The following CDYL2 variants were observed in gnomAD, a reference collection of about 807,000 sequenced individuals.
CDYL2 encodes the protein chromodomain Y like 2.
In CDYL2, 23 loss-of-function variants were observed where a neutral mutation model predicts 49.4. The observed-to-expected ratio is 0.47, with a 90% CI of 0.34 to 0.66. The LOEUF (loss-of-function observed/expected upper bound fraction) is 0.66. Ranked by LOEUF, CDYL2 falls within the 30% of genes least tolerant of loss-of-function variation. CDYL2 has a pLI of 0.01. For synonymous variants in CDYL2, 360 were observed against 268.8 expected, an observed-to-expected ratio of 1.34 and a Z score of -3.32; for missense variants, 678 against 656.4, an observed-to-expected ratio of 1.03 and a Z score of -0.36.
At chr16:80,772,093 A>G (rs1365457801) in intron 1 of CDYL2, among the ~76,000 whole-genome samples, 2 of 152,224 alleles carry the variant, frequency 1.3e-5, no homozygotes, top group East Asian at 1.9e-4. Context: ...TGTCATCTTC[A>G]ATCCACTAAG....
chr16:80,654,523 G>A (rs762610602), intron 2 of CDYL2, among the ~76,000 whole-genome samples: 9 of 152,278 alleles, frequency 5.9e-5, no homozygotes, highest in Middle Eastern at 6.8e-3. Flanking sequence ...AGAGCCCAGC[G>A]CTGCATAACA....
chr16:80,666,551 C>T (rs2316152), intron 2 of CDYL2, among the ~76,000 whole-genome samples: 89,243 of 151,984 alleles, frequency 0.59, 26,817 homozygotes, highest in Middle Eastern at 0.76. Flanking sequence ...AAGAGGAACA[C>T]AGCAAGCAGG....
At chr16:80,635,476 G>C (rs1056315211) in intron 2 of CDYL2, among the ~76,000 whole-genome samples, 1 of 152,122 alleles carries the variant, frequency 6.6e-6, no homozygotes, top group African/African-American at 2.4e-5. Flanking sequence ...GCTACAAAGA[G>C]AATAAAATAC....
At chr16:80,754,001 G>A (rs942210260) in intron 1 of CDYL2, among the ~76,000 whole-genome samples, 4 of 152,302 alleles carry the variant, frequency 2.6e-5, no homozygotes, top group African/African-American at 9.6e-5. Flanking sequence ...CAAAATGATG[G>A]AAGCATGCCT....
rs1007845118 is a variant in CDYL2 at position 80,604,266 on chromosome 16, T to C, written c.*122A>G. The C allele has an allele frequency of 5.5e-6, 6 of 1,095,198 alleles. No individual in the cohort carries two copies. Among genetic ancestry groups the C allele is most frequent in the South Asian group, 4.3e-5 (3 of 69,016 alleles). 67.8% of individuals were successfully genotyped at this position (1,095,198 alleles called of 1,614,324 possible). A position where few individuals can be genotyped will look rare whatever the true frequency, so the allele number is the denominator to read the frequency against. ...GGAGCAACCAAAGGACACGAGGAAA[T>C]GGACACAACCCTACGTATAAAGAGA... On this transcript the variant is annotated 3_prime_UTR_variant, in exon 7 of 7. Transcript: ENST00000570137.
At chr16:80,734,791 A>G (rs776609490) in intron 1 of CDYL2, among the ~76,000 whole-genome samples, 2 of 152,140 alleles carry the variant, frequency 1.3e-5, no homozygotes, top group Non-Finnish European at 2.9e-5. Flanking sequence ...CATTCCCTCT[A>G]GAACTGGTTC....
intron 2 of CDYL2, among the ~76,000 whole-genome samples, chr16:80,645,307 A>G (rs1177176983): frequency 2.0e-5 from 3 of 152,198 alleles, no homozygotes; most frequent in African/African-American, 7.2e-5. Flanking sequence ...AAACAACCCC[A>G]TCAACAAGTG....
At chr16:80,670,153 G>A (rs747887931) in intron 2 of CDYL2, among the ~76,000 whole-genome samples, 12 of 152,150 alleles carry the variant, frequency 7.9e-5, no homozygotes, top group South Asian at 2.1e-4. Flanking sequence ...AAAAGCACAT[G>A]ACAAACCCTC....
chr16:80,724,726 T>C (rs893259670), intron 1 of CDYL2, among the ~76,000 whole-genome samples: 14 of 152,178 alleles, frequency 9.2e-5, no homozygotes, highest in Non-Finnish European at 2.9e-5. Context: ...TCAAGAAAGT[T>C]TGAAAGTCAT....
intron 1 of CDYL2, among the ~76,000 whole-genome samples, chr16:80,779,559 G>C (rs1907196693): frequency 6.6e-6 from 1 of 151,938 alleles, no homozygotes; most frequent in African/African-American, 2.4e-5. Flanking sequence ...AAGATTTGTA[G>C]AGAAAGCTTA....
chr16:80,719,794 A>G (rs1404775046), intron 1 of CDYL2, among the ~76,000 whole-genome samples: 1 of 152,194 alleles, frequency 6.6e-6, no homozygotes, highest in Non-Finnish European at 1.5e-5. Context: ...TGCCTTGTTC[A>G]CAGCCCGTGT....
chr16:80,700,194 C>T (rs1904293635), intron 1 of CDYL2, among the ~76,000 whole-genome samples: 1 of 152,190 alleles, frequency 6.6e-6, no homozygotes, highest in Non-Finnish European at 1.5e-5. Context: ...TTGGAGAAAT[C>T]ACAGTGCCTC....
chr16:80,754,034 T>C (rs1413211344), intron 1 of CDYL2, among the ~76,000 whole-genome samples: 1 of 152,228 alleles, frequency 6.6e-6, no homozygotes, highest in Admixed American at 6.5e-5. Flanking sequence ...GGCCCTATGC[T>C]GAGAACATTC....
At chr16:80,624,141 G>T (rs1907203860) in intron 3 of CDYL2, among the ~76,000 whole-genome samples, 1 of 152,156 alleles carries the variant, frequency 6.6e-6, no homozygotes, top group Non-Finnish European at 1.5e-5. Context: ...TCTCTTGGGT[G>T]CCTGGTATTC....
At chr16:80,768,296 A>G (rs1906792588) in intron 1 of CDYL2, among the ~76,000 whole-genome samples, 2 of 152,150 alleles carry the variant, frequency 1.3e-5, no homozygotes, top group Admixed American at 1.3e-4. Context: ...TGGCTTCTAA[A>G]TATCTCCTGA....
chr16:80,667,609 G>A (rs533674454), intron 2 of CDYL2, among the ~76,000 whole-genome samples: 77 of 152,192 alleles, frequency 5.1e-4, no homozygotes, highest in African/African-American at 1.7e-3. Flanking sequence ...CTGGTATATG[G>A]CAGTCATTTT....
intron 2 of CDYL2, among the ~76,000 whole-genome samples, chr16:80,670,785 C>T (rs547331631): frequency 1.4e-3 from 207 of 152,188 alleles, no homozygotes; most frequent in African/African-American, 4.7e-3. Context: ...AAGTGTGAAT[C>T]GAGGCCTCGA....
chr16:80,742,392 G>C (rs1905769207), intron 1 of CDYL2: 1 of 151,734 alleles, frequency 6.6e-6, no homozygotes, highest in African/African-American at 2.4e-5. Context: ...GGGTGGGTTA[G>C]GGGATGAACG....
chr16:80,658,097 C>CT (rs1037016329), intron 2 of CDYL2, among the ~76,000 whole-genome samples: 14 of 148,442 alleles, frequency 9.4e-5, no homozygotes, highest in Non-Finnish European at 1.8e-4. Flanking sequence ...CATAAATTTG[C>CT]TTTTTTTTCC....
Sources: gnomAD v4.1 joint callset for allele counts (sites outside exome capture counted in the v4.1 genomes callset) on GRCh38, gnomAD v4.1.1 for gene constraint, MANE v1.5 for transcripts, NCBI Gene and HGNC (gene_info 2026-07-23, HGNC 2026-07-21) for gene names.